Variants in CEP112 observed in about 807,000 individuals in gnomAD.
CEP112 encodes centrosomal protein of 112 kDa.
In CEP112, 127 loss-of-function variants were observed where a neutral mutation model predicts 153.0. The observed-to-expected ratio is 0.83, with a 90% CI of 0.72 to 0.96. The LOEUF (loss-of-function observed/expected upper bound fraction) is 0.96, where lower values mean the gene tolerates loss of function less well. Ranked by LOEUF, CEP112 falls within the 40% of genes least tolerant of loss-of-function variation. CEP112 has a pLI of 0.00. For synonymous variants in CEP112, 358 were observed against 374.4 expected (o/e 0.96, Z 0.51); for missense variants, 1,089 against 1,101.2 (o/e 0.99, Z 0.16).
intron 4 of CEP112, among the ~76,000 whole-genome samples, chr17:66,139,142 A>G (rs541414730): frequency 6.6e-6 from 1 of 152,160 alleles, no homozygotes; most frequent in South Asian, 2.1e-4. Flanking sequence ...GGGCAGGGAT[A>G]AAACAGAAAA....
Position 66,177,029 on chromosome 17 carries a change from A to G in CEP112, c.107-9T>C. The G allele has an allele frequency of 6.3e-7, 1 of 1,578,168 alleles. No individual in the cohort carries two copies. Among genetic ancestry groups the G allele is most frequent in the African/African-American group, 1.4e-5 (1 of 72,972 alleles). ...AGCACACCTCTGCCGTTCTATAAAT[A>G]CAGAAGAACTATTAGAAATTTTATT... On this transcript the variant is annotated splice_polypyrimidine_tract_variant and intron_variant, in intron 2 of 26. Transcript: ENST00000535342.
chr17:65,937,924 C>T (rs566464578), intron 18 of CEP112, among the ~76,000 whole-genome samples: 2,213 of 119,708 alleles, frequency 0.018, 39 homozygotes, highest in South Asian at 0.053. Context: ...GTGTGCCCAG[C>T]GGCTCATTGA....
At chr17:65,770,665 A>G (rs2053294292) in intron 21 of CEP112, among the ~76,000 whole-genome samples, 1 of 152,152 alleles carries the variant, frequency 6.6e-6, no homozygotes, top group African/African-American at 2.4e-5. Flanking sequence ...TGCGAGGTTT[A>G]TAATACTTGC....
intron 23 of CEP112, among the ~76,000 whole-genome samples, chr17:65,716,380 C>G (rs985344014): frequency 2.0e-5 from 3 of 152,016 alleles, no homozygotes; most frequent in Non-Finnish European, 4.4e-5. Flanking sequence ...AGTCTGGTCT[C>G]GAACGGCTGA....
intron 6 of CEP112, among the ~76,000 whole-genome samples, chr17:66,120,449 C>T (rs753810311): frequency 2.0e-5 from 3 of 152,110 alleles, no homozygotes; most frequent in Non-Finnish European, 4.4e-5. Context: ...CATCAGCCCA[C>T]CTTGGCCTCC....
intron 24 of CEP112, among the ~76,000 whole-genome samples, chr17:65,676,322 T>A (rs1316697269): frequency 2.9e-5 from 4 of 136,026 alleles, no homozygotes; most frequent in African/African-American, 1.1e-4. Flanking sequence ...AGTGAGACTC[T>A]GTCTTAAAAG....
At chr17:65,887,857 T>G (rs9916027) in intron 20 of CEP112, among the ~76,000 whole-genome samples, 2,537 of 152,318 alleles carry the variant, frequency 0.017, 80 homozygotes, top group African/African-American at 0.057. Context: ...ACCTTCCTCA[T>G]GGAGGGGGTG....
chr17:65,764,703 T>C (rs1260707587), intron 21 of CEP112, among the ~76,000 whole-genome samples: 1 of 152,132 alleles, frequency 6.6e-6, no homozygotes, highest in Non-Finnish European at 1.5e-5. Context: ...TAATTGGATC[T>C]TGATTTTTTA....
chr17:66,120,860 T>C (rs1355796132), intron 6 of CEP112, among the ~76,000 whole-genome samples: 1 of 15,186 alleles, frequency 6.6e-5, no homozygotes, highest in Non-Finnish European at 1.8e-4. Context: ...TGATTTCTAC[T>C]TTAATCTTTA....
intron 21 of CEP112, among the ~76,000 whole-genome samples, chr17:65,785,503 G>A (rs115355203): frequency 1.4e-3 from 207 of 152,290 alleles, no homozygotes; most frequent in African/African-American, 4.5e-3. Flanking sequence ...ATTACATCCA[G>A]TCTAATGGGT....
At chr17:66,069,552 T>A (rs1298068745) in intron 9 of CEP112, among the ~76,000 whole-genome samples, 1 of 151,966 alleles carries the variant, frequency 6.6e-6, no homozygotes. Context: ...CAAAAGAATA[T>A]TAGAATAAAA....
intron 18 of CEP112, among the ~76,000 whole-genome samples, chr17:65,939,778 T>C (rs2061453406): frequency 6.6e-6 from 1 of 152,090 alleles, no homozygotes; most frequent in Non-Finnish European, 1.5e-5. Context: ...AAGTTGAAGC[T>C]CTAAAACTAG....
At chr17:65,658,828 C>T (rs1233725345) in intron 24 of CEP112, among the ~76,000 whole-genome samples, 1 of 151,766 alleles carries the variant, frequency 6.6e-6, no homozygotes, top group African/African-American at 2.4e-5. Flanking sequence ...GAAATGGCCC[C>T]AGAGATGAGA....
chr17:65,964,907 G>A (rs1274383575), intron 17 of CEP112, among the ~76,000 whole-genome samples: 1 of 152,022 alleles, frequency 6.6e-6, no homozygotes. Flanking sequence ...AAAGTATATT[G>A]AACATGATTT....
At chr17:65,962,148 G>T (rs1479192808) in intron 17 of CEP112, among the ~76,000 whole-genome samples, 1 of 152,146 alleles carries the variant, frequency 6.6e-6, no homozygotes, top group Non-Finnish European at 1.5e-5. Flanking sequence ...ATGAAATGAG[G>T]AAAATATGAA....
At chr17:65,947,736 C>T (rs1254401287) in intron 18 of CEP112, among the ~76,000 whole-genome samples, 1 of 152,078 alleles carries the variant, frequency 6.6e-6, no homozygotes, top group Admixed American at 6.5e-5. Context: ...ATTATAGCAT[C>T]TATTTAAACG....
Position 66,062,975 on chromosome 17 carries a change from G to T in CEP112, c.1062C>A (p.Asp354Glu). The part of the protein sequence containing the change: ...CEQSTESLNN[D>E]WEKKLHNAVA... ...TTATGTAGCTTACCTTTTTTTCCCA[G>T]TCATTATTTAGAGATTCCGTACTTT... Residue 354 changes from aspartate (D) to glutamate (E), a missense_variant, in exon 11 of 27, where the codon GAC (aspartate) becomes GAA (glutamate). Coordinates refer to ENST00000535342, the MANE Select transcript of CEP112 (RefSeq NM_001199165.4). 6.4e-7 allele frequency: 1 copy of T among 1,550,538 alleles called. No homozygotes were observed. Among genetic ancestry groups the T allele is most frequent in the Non-Finnish European group, 8.8e-7 (1 of 1,142,470 alleles).
chr17:65,824,235 A>G (rs1201452436), intron 21 of CEP112, among the ~76,000 whole-genome samples: 1 of 152,224 alleles, frequency 6.6e-6, no homozygotes, highest in African/African-American at 2.4e-5. Flanking sequence ...AATAAAAAGG[A>G]ACAGATTACA....
intron 18 of CEP112, 59 bp downstream of exon 18, chr17:65,961,404 A>G: frequency 1.4e-6 from 2 of 1,466,694 alleles, no homozygotes; most frequent in Non-Finnish European, 1.9e-6. Flanking sequence ...TTAAGATGAG[A>G]ATGTACCTTC....
Sources: gnomAD v4.1 joint callset for allele counts (sites outside exome capture counted in the v4.1 genomes callset) on GRCh38, gnomAD v4.1.1 for gene constraint, MANE v1.5 for transcripts, NCBI Gene and HGNC (gene_info 2026-07-23, HGNC 2026-07-21) for gene names.